ASXL1: variants seen among roughly 807,000 people sequenced by gnomAD.
ASXL1 encodes the protein ASXL transcriptional regulator 1, also known as polycomb group protein ASXL1.
ASXL1 carries 65 observed loss-of-function variants against 89.1 expected under a neutral mutation model. The observed-to-expected ratio is 0.73, with a 90% CI of 0.60 to 0.90. ASXL1 has a LOEUF of 0.90. Among genes scored for constraint, ASXL1 ranks in the 40% least tolerant of loss-of-function variants. The pLI is 0.00. For synonymous variants in ASXL1, 739 were observed against 746.9 expected, an observed-to-expected ratio of 0.99 and a Z score of 0.17; for missense variants, 1,786 against 1,942.9, an observed-to-expected ratio of 0.92 and a Z score of 1.52.
rs2123256906 is a variant in ASXL1, at chr20:32,433,451, C to T, written c.1253C>T (p.Thr418Ile). 6.2e-7 allele frequency: 1 copy of T among 1,614,164 alleles called. No homozygotes were observed. Among genetic ancestry groups the T allele is most frequent in the Non-Finnish European group, 8.5e-7 (1 of 1,180,042 alleles). The change falls in exon 12 of 13, where the codon ACC becomes ATC. Residue 418 changes from threonine to isoleucine, a missense_variant. This residue lies in a region of ASXL1 where 1,418 missense variants were observed against 1,427.8 expected (regional missense o/e 0.99). Coordinates refer to ENST00000375687, the MANE Select transcript of ASXL1 (RefSeq NM_015338.6). ...AAACGCTCTCGGCCAGATCTCCGAA[C>T]CAGAGCCAGAAGGAATCTGTACAAA... is the stretch of plus-strand genomic sequence containing the variant. ...FKKRSRPDLR[T>I]RARRNLYKKQ...
At chr20:32,361,010 G>A (rs1037445699) in intron 1 of ASXL1, among the ~76,000 whole-genome samples, 7 of 152,142 alleles carry the variant, frequency 4.6e-5, no homozygotes, top group Non-Finnish European at 2.9e-5. Context: ...GCCTCCCAAA[G>A]TGCTGGGATT....
intron 4 of ASXL1, among the ~76,000 whole-genome samples, chr20:32,398,603 G>GTTTTTTTTTTTTGTTTTTTTTTTTTTTT (rs375341392): frequency 1.6e-5 from 2 of 126,450 alleles, no homozygotes; most frequent in African/African-American, 3.2e-5. Flanking sequence ...TTTTTTGTTT[G>GTTTTTTTTTTTTGTTTTTTTTTTTTTTT]TTTTTTTTTT....
In ASXL1 at chr20:32,359,002, C is replaced by T. The variant is rs540053795; in HGVS notation, c.57+170C>T. On this transcript the variant is annotated intron_variant, in intron 1 of 12. Transcript: ENST00000375687. ...GCAAGGCGAGGGGTGGGGAGCGCTC[C>T]GCCGGGATGGGATGTGGCGCCTTTT... The T allele has an allele frequency of 2.3e-4, 164 of 722,632 alleles. 3 individuals carry two copies. In the South Asian group the frequency reaches 2.9e-3, roughly 13 times the overall value. The allele number at this position is 722,632 out of a possible 1,614,324, so 44.8% of individuals were successfully genotyped here. A position where few individuals can be genotyped will look rare whatever the true frequency, so the allele number is the denominator to read the frequency against.
chr20:32,414,885 C>T (rs2049111041), intron 4 of ASXL1, among the ~76,000 whole-genome samples: 1 of 152,082 alleles, frequency 6.6e-6, no homozygotes, highest in African/African-American at 2.4e-5. Flanking sequence ...ATCTACATGA[C>T]AGTAGGCTGT....
chr20:32,366,452 A>G lies in ASXL1; in HGVS notation c.126A>G (p.Gly42=), dbSNP rs1159468575. The G allele has an allele frequency of 1.9e-6, 3 of 1,613,992 alleles. No individual in the cohort carries two copies. The highest frequency in any genetic ancestry group is 2.2e-5 in the South Asian group (2 of 91,080). The part of the protein sequence containing the change: ...KQILQVIEAE[G]LKEMRSGTSP... ...TTCTGCAGGTCATAGAGGCAGAAGG[A>G]CTAAAGGAAATGAGGTTTGTATTGT... The change falls in exon 2 of 13, where the codon GGA becomes GGG. Residue 42 remains glycine, a synonymous_variant. Coordinates refer to ENST00000375687, the MANE Select transcript of ASXL1 (RefSeq NM_015338.6).
At chr20:32,410,668 A>G (rs1444254285) in intron 4 of ASXL1, among the ~76,000 whole-genome samples, 1 of 152,120 alleles carries the variant, frequency 6.6e-6, no homozygotes, top group African/African-American at 2.4e-5. Context: ...AGACTATATG[A>G]ATAGTCTCAT....
chr20:32,428,269 G>C (rs921369117), intron 5 of ASXL1, 21 bp downstream of exon 5: 4 of 1,614,050 alleles, frequency 2.5e-6, no homozygotes, highest in Non-Finnish European at 3.4e-6. Flanking sequence ...TTTAATGGAT[G>C]GGTGAGGGAG....
chr20:32,378,400 A>G (rs1180049835), intron 4 of ASXL1, among the ~76,000 whole-genome samples: 1 of 152,056 alleles, frequency 6.6e-6, no homozygotes, highest in Non-Finnish European at 1.5e-5. Context: ...TGGCACTCCA[A>G]AGGTTTCAGA....
At chr20:32,398,730 C>T (rs369512487) in intron 4 of ASXL1, among the ~76,000 whole-genome samples, 4 of 150,336 alleles carry the variant, frequency 2.7e-5, no homozygotes, top group Non-Finnish European at 4.5e-5. Flanking sequence ...CTGCCTCAGC[C>T]TCCCAAGTAG....
At chr20:32,379,598 T>C (rs982322338) in intron 4 of ASXL1, among the ~76,000 whole-genome samples, 1 of 149,642 alleles carries the variant, frequency 6.7e-6, no homozygotes, top group Non-Finnish European at 1.5e-5. Context: ...GGCTGAGGTG[T>C]GTGGATCACC....
At chr20:32,406,807 C>T (rs1256287371) in intron 4 of ASXL1, among the ~76,000 whole-genome samples, 1 of 152,076 alleles carries the variant, frequency 6.6e-6, no homozygotes, top group Admixed American at 6.5e-5. Flanking sequence ...TTGGGCATTT[C>T]ACTCATCTTG....
chr20:32,364,539 T>C (rs574329115), intron 1 of ASXL1, among the ~76,000 whole-genome samples: 3 of 152,286 alleles, frequency 2.0e-5, no homozygotes, highest in African/African-American at 4.8e-5. Context: ...TTAAATTCTT[T>C]AAAGAGATGA....
At position 32,435,293 on chromosome 20, in the gene ASXL1, G is replaced by T. The variant is rs1170492819; in HGVS notation, c.2581G>T (p.Ala861Ser). The T allele has an allele frequency of 1.2e-6, 2 of 1,614,070 alleles. No individual in the cohort carries two copies. Among genetic ancestry groups the T allele is most frequent in the Non-Finnish European group, 1.7e-6 (2 of 1,180,046 alleles). Residue 861 changes from alanine (A) to serine (S), a missense_variant, in exon 13 of 13, where the codon GCA (alanine) becomes TCA (serine). This residue lies in a region of ASXL1 where 1,418 missense variants were observed against 1,427.8 expected (regional missense o/e 0.99). Coordinates refer to ENST00000375687, the MANE Select transcript of ASXL1 (RefSeq NM_015338.6). ...ACCGACTGATTGCCTGCAGAACAGAGCATTTGATGACGAATTAGGGCTTGG... is the reference window on the plus strand; with the variant it reads ...ACCGACTGATTGCCTGCAGAACAGATCATTTGATGACGAATTAGGGCTTGG... Reference protein sequence around the residue: ...SSPTDCLQNRAFDDELGLGGS... With the variant: ...SSPTDCLQNRSFDDELGLGGS...
At chr20:32,430,251 G>C in intron 8 of ASXL1, 198 bp downstream of exon 8, 1 of 720,716 alleles carries the variant, frequency 1.4e-6, no homozygotes. Context: ...ACTCCTTTCA[G>C]GCAGAGATGA....
In ASXL1 at chr20:32,376,236, TTTTTATTTTA is replaced by T. The variant is rs1213637255; in HGVS notation, c.252+7129_252+7138del. 7.9e-5 allele frequency among the ~76,000 whole-genome samples: 12 copies of T among 151,346 alleles called. No individual in the cohort carries two copies. In the South Asian group the frequency reaches 2.3e-3, roughly 29 times the overall value. ...GGAAGACACCAGTTATTTTATTTTA[TTTTTATTTTA>T]TTTTATTTTATTTTAATTTTATTTT... On this transcript the variant is annotated intron_variant, in intron 4 of 12. Transcript: ENST00000375687.
intron 4 of ASXL1, among the ~76,000 whole-genome samples, chr20:32,399,664 T>G (rs1480265930): frequency 6.6e-6 from 1 of 151,744 alleles, no homozygotes; most frequent in Non-Finnish European, 1.5e-5. Context: ...TCTATTTCTG[T>G]GCCTTTGAAT....
chr20:32,412,164 A>C (rs1044470346), intron 4 of ASXL1, among the ~76,000 whole-genome samples: 5 of 152,210 alleles, frequency 3.3e-5, no homozygotes, highest in African/African-American at 1.2e-4. Flanking sequence ...TATAGTATTC[A>C]TACTAATACC....
At chr20:32,426,098 G>T (rs899401887) in intron 4 of ASXL1, among the ~76,000 whole-genome samples, 6 of 151,478 alleles carry the variant, frequency 4.0e-5, no homozygotes, top group African/African-American at 1.2e-4. Context: ...GTTTTTTGAT[G>T]AATAGGAGGT....
At position 32,428,189 on chromosome 20, in the gene ASXL1, C is replaced by T. The variant is rs749495615; in HGVS notation, c.314C>T (p.Thr105Met). 8.1e-6 allele frequency: 13 copies of T among 1,613,960 alleles called. No homozygotes were observed. Among genetic ancestry groups the T allele is most frequent in the Admixed American group, 1.7e-5 (1 of 59,994 alleles). ...ATVEGEEPED[T>M]ADVESCGSNE... ...GTGGAGGGAGAGGAGCCAGAGGACACGGCTGATGTGGAGAGCTGTGGGTCT... is the reference window on the plus strand; with the variant it reads ...GTGGAGGGAGAGGAGCCAGAGGACATGGCTGATGTGGAGAGCTGTGGGTCT... The change falls in exon 5 of 13, where the codon ACG becomes ATG. Residue 105 changes from threonine (T) to methionine (M), a missense_variant. Physicochemically the swap from Thr to Met is moderately conservative, Grantham distance 81. Around this residue, in one of 3 missense-constraint regions of ASXL1, gnomAD observed 332 missense variants for 449.7 expected, o/e 0.74. Transcript: ENST00000375687.
Sources: gnomAD v4.1 joint callset for allele counts (sites outside exome capture counted in the v4.1 genomes callset) on GRCh38, gnomAD v4.1.1 for gene constraint, gnomAD v4.1.1 regional missense constraint, MANE v1.5 for transcripts, NCBI Gene and HGNC (gene_info 2026-07-23, HGNC 2026-07-21) for gene names.